C7orf57: variants seen among roughly 807,000 people sequenced by gnomAD.
C7orf57 encodes chromosome 7 open reading frame 57.
In C7orf57, 33 loss-of-function variants were observed where a neutral mutation model predicts 39.0. The observed-to-expected ratio is 0.85, with a 90% CI of 0.64 to 1.13. The LOEUF (loss-of-function observed/expected upper bound fraction) is 1.13. Ranked by LOEUF, C7orf57 falls within the 50% of genes most tolerant of loss-of-function variation. The pLI is 0.00. For missense variants in C7orf57, 346 were observed against 362.3 expected, an observed-to-expected ratio of 0.95 and a Z score of 0.37; for synonymous variants, 124 against 137.1, an observed-to-expected ratio of 0.90 and a Z score of 0.67.
intron 8 of C7orf57, among the ~76,000 whole-genome samples, chr7:48,055,225 G>A (rs1285447613): frequency 6.6e-6 from 1 of 152,092 alleles, no homozygotes; most frequent in African/African-American, 2.4e-5. Context: ...TTTAGTTCAT[G>A]GACACACATT....
chr7:48,054,319 C>T (rs780457844), intron 7 of C7orf57, among the ~76,000 whole-genome samples: 1 of 148,872 alleles, frequency 6.7e-6, no homozygotes, highest in African/African-American at 2.5e-5. Flanking sequence ...GAGGCTGAGG[C>T]AGGAGAATCA....
chr7:48,046,667 G>T, intron 5 of C7orf57, 51 bp downstream of exon 5: 1 of 1,570,256 alleles, frequency 6.4e-7, no homozygotes, highest in Non-Finnish European at 8.6e-7. Context: ...TGCTTCTGTG[G>T]TCTCGAGTAA....
Position 48,041,424 on chromosome 7 carries a change from A to C in C7orf57, c.146A>C (p.Asp49Ala). 6.2e-7 allele frequency: 1 copy of C among 1,613,862 alleles called. No individual in the cohort carries two copies. Among genetic ancestry groups the C allele is most frequent in the Non-Finnish European group, 8.5e-7 (1 of 1,179,848 alleles). The stretch of plus-strand genomic sequence containing the variant: ...ATCCCAGGTCTCAGCAATTTGGGAG[A>C]CTCACACAGCGAGAACCTGCCTGGG... ...SQIPGLSNLG[D>A]SHSENLPGTR... The change falls in exon 3 of 9, where the codon GAC becomes GCC. Residue 49 changes from aspartate (D) to alanine (A), a missense_variant. Asp to Ala is a moderately radical substitution (Grantham distance 126, BLOSUM62 -2). Transcript: ENST00000348904.
At chr7:48,050,667 G>A (rs1790848623) in intron 6 of C7orf57, among the ~76,000 whole-genome samples, 2 of 152,144 alleles carry the variant, frequency 1.3e-5, no homozygotes, top group Admixed American at 1.3e-4. Context: ...ATATATGTAA[G>A]TATATATGTA....
intron 8 of C7orf57, among the ~76,000 whole-genome samples, chr7:48,055,389 G>A (rs981944069): frequency 6.6e-6 from 1 of 152,104 alleles, no homozygotes; most frequent in Admixed American, 6.5e-5. Flanking sequence ...TTTGATATAT[G>A]TATACATTGT....
At chr7:48,048,419 A>G (rs1670956441) in intron 5 of C7orf57, among the ~76,000 whole-genome samples, 1 of 152,134 alleles carries the variant, frequency 6.6e-6, no homozygotes. Flanking sequence ...CCTGTTGGTT[A>G]CCAGCATTCA....
chr7:48,036,567 G>A (rs1790372822), intron 2 of C7orf57, among the ~76,000 whole-genome samples: 1 of 152,154 alleles, frequency 6.6e-6, no homozygotes, highest in African/African-American at 2.4e-5. Context: ...AATATGAGTG[G>A]GGGGAGTCTT....
At chr7:48,052,957 G>C (rs1791004215) in intron 7 of C7orf57, 34 bp downstream of exon 7, 1 of 1,538,742 alleles carries the variant, frequency 6.5e-7, no homozygotes, top group African/African-American at 1.4e-5. Flanking sequence ...ATTTATTGGA[G>C]GCTTGGTTAA....
intron 2 of C7orf57, 138 bp from the exon 3 acceptor site, chr7:48,041,196 T>G: frequency 1.5e-6 from 1 of 681,298 alleles, no homozygotes; most frequent in East Asian, 3.1e-5. Flanking sequence ...AAGAGGGCAT[T>G]TTCTTCCTTG....
chr7:48,036,654 A>T (rs1045397562), intron 2 of C7orf57, among the ~76,000 whole-genome samples: 1 of 152,146 alleles, frequency 6.6e-6, no homozygotes, highest in Non-Finnish European at 1.5e-5. Flanking sequence ...ATCCCTTGGA[A>T]ATTTTCTTTG....
At chr7:48,053,177 T>G in intron 7 of C7orf57, 1 of 597,032 alleles carries the variant, frequency 1.7e-6, no homozygotes. Flanking sequence ...TGTCAAAAAT[T>G]TTGATAGTCC....
Position 48,046,515 on chromosome 7 carries a change from C to G in C7orf57, c.406C>G (p.Gln136Glu), listed in dbSNP as rs746793015. The G allele has an allele frequency of 6.2e-7, 1 of 1,613,720 alleles. No individual in the cohort carries two copies. The highest frequency in any genetic ancestry group is 1.3e-5 in the African/African-American group (1 of 74,920). Residue 136 changes from glutamine (Q) to glutamate (E), a missense_variant, in exon 5 of 9, where the codon CAA becomes GAA. Coordinates refer to ENST00000348904, the MANE Select transcript of C7orf57 (RefSeq NM_001100159.3). ...YMVHEEFNPDQANGSYASRRG... is the reference protein window; with the variant it reads ...YMVHEEFNPDEANGSYASRRG... ...GGTTCATGAAGAATTTAACCCCGAT[C>G]AAGCCAATGGTAGCTATGCATCCAG...
chr7:48,047,876 TG>T (rs1370816940), intron 5 of C7orf57, among the ~76,000 whole-genome samples: 1 of 152,058 alleles, frequency 6.6e-6, no homozygotes, highest in East Asian at 1.9e-4. Context: ...TCAGCCAAAA[TG>T]GACCATGTTA....
Position 48,053,555 on chromosome 7 carries a change from G to A in C7orf57, c.829+632G>A, listed in dbSNP as rs547359131. Reference sequence around the variant, plus strand: ...TAGCCTCAACCTCCTGGGCTCAAGCGATCCTCCCATCTAAGTCTCCCAAGT... The same window carrying A: ...TAGCCTCAACCTCCTGGGCTCAAGCAATCCTCCCATCTAAGTCTCCCAAGT... On this transcript the variant is annotated intron_variant, in intron 7 of 8. Transcript: ENST00000348904. 1.3e-4 allele frequency among the ~76,000 whole-genome samples: 20 copies of A among 152,054 alleles called. No individual in the cohort carries two copies. The Middle Eastern group carries it at 0.01, about 78-fold the overall frequency.
chr7:48,051,797 TC>T (rs1790916858), intron 6 of C7orf57, among the ~76,000 whole-genome samples: 2 of 97,668 alleles, frequency 2.0e-5, no homozygotes, highest in African/African-American at 4.3e-5. Context: ...TTTCTTTCTT[TC>T]CTTCCTTCCT....
chr7:48,041,378 G>C lies in C7orf57; in HGVS notation c.100G>C (p.Asp34His). The C allele has an allele frequency of 6.2e-7, 1 of 1,613,958 alleles. No individual in the cohort carries two copies. The highest frequency in any genetic ancestry group is 8.5e-7 in the Non-Finnish European group (1 of 1,179,862). ...AGTGAAGCGCTCTGAGAAGGCCGTG[G>C]ATGCCCCACCAGCGTCCCAGATCCC... ...VPVKRSEKAV[D>H]APPASQIPGL... The change falls in exon 3 of 9, where the codon GAT becomes CAT. Residue 34 changes from aspartate (D) to histidine (H), a missense_variant. Asp to His is a moderately conservative substitution (Grantham distance 81, BLOSUM62 -1). Transcript: ENST00000348904.
intron 7 of C7orf57, 45 bp from the exon 8 acceptor site, chr7:48,054,550 G>GATCTGTT: frequency 2.7e-6 from 4 of 1,474,406 alleles, no homozygotes; most frequent in Non-Finnish European, 3.7e-6. Context: ...TTTAATACTT[G>GATCTGTT]ATCTGTTTCA....
At chr7:48,041,227 C>A (rs1348611018) in intron 2 of C7orf57, 107 bp from the exon 3 acceptor site, 14 of 1,033,758 alleles carry the variant, frequency 1.4e-5, no homozygotes, top group Non-Finnish European at 1.9e-5. Context: ...CTGTGGCTTG[C>A]ACTGCCCCAC....
At chr7:48,043,742 A>C (rs6978838) in intron 4 of C7orf57, among the ~76,000 whole-genome samples, 153 bp downstream of exon 4, 15 of 152,088 alleles carry the variant, frequency 9.9e-5, no homozygotes, top group Non-Finnish European at 1.9e-4. Context: ...TCTTTGAGGG[A>C]TGTAGCCTAA....
Sources: allele counts gnomAD v4.1 joint callset (sites outside exome capture counted in the v4.1 genomes callset), GRCh38; gene constraint gnomAD v4.1.1; transcripts MANE v1.5; gene names NCBI Gene and HGNC (gene_info 2026-07-23, HGNC 2026-07-21).